Variants in CPT1B observed in about 807,000 individuals in gnomAD.
CPT1B encodes the protein carnitine palmitoyltransferase 1B.
CPT1B carries 57 observed loss-of-function variants against 92.7 expected under a neutral mutation model. The observed-to-expected ratio is 0.62, with a 90% CI of 0.50 to 0.77. The LOEUF (loss-of-function observed/expected upper bound fraction) is 0.77, where lower values mean the gene tolerates loss of function less well. CPT1B is among the 30% of genes least tolerant of loss of function. The pLI is 0.00. For synonymous variants in CPT1B, 398 were observed against 383.5 expected (o/e 1.04, Z -0.44); for missense variants, 983 against 1,017.4 (o/e 0.97, Z 0.46).
Position 50,576,035 on chromosome 22 carries a change from C to T in CPT1B, c.777G>A (p.Met259Ile), listed in dbSNP as rs763362407. The T allele has an allele frequency of 1.9e-6, 3 of 1,613,874 alleles. No individual in the cohort carries two copies. Among genetic ancestry groups the T allele is most frequent in the Admixed American group, 1.7e-5 (1 of 60,004 alleles). Residue 259 changes from methionine (M) to isoleucine (I), a missense_variant and splice_region_variant, in exon 7 of 20, where the codon ATG becomes ATA. Physicochemically the swap from Met to Ile is conservative, Grantham distance 10. Transcript: ENST00000312108. Reference protein sequence around the residue: ...PLMVNSNYYVMDLVLIKNTDV... With the variant: ...PLMVNSNYYVIDLVLIKNTDV... Reference sequence around the variant, plus strand: ...GGGACCTGGGGGCTCTAGTTCATACCATGACATAATAGTTGCTGTTCACCA... The same window carrying T: ...GGGACCTGGGGGCTCTAGTTCATACTATGACATAATAGTTGCTGTTCACCA...
intron 7 of CPT1B, 158 bp from the exon 8 acceptor site, chr22:50,574,758 C>T (rs1414437714): frequency 6.4e-6 from 4 of 623,122 alleles, no homozygotes; most frequent in Non-Finnish European, 1.2e-5. Context: ...CAGAAATGCA[C>T]AACTGATCGC....
chr22:50,574,621 C>A (rs750814302), intron 7 of CPT1B, 21 bp from the exon 8 acceptor site: 9 of 1,605,948 alleles, frequency 5.6e-6, no homozygotes, highest in South Asian at 2.2e-5. Context: ...ACAGAGCCCG[C>A]GGGGTGGGGG....
chr22:50,574,714 A>G lies in CPT1B; in HGVS notation c.778-114T>C. On this transcript the variant is annotated intron_variant, in intron 7 of 19. Transcript: ENST00000312108. ...CTGAGGTGTTCTGTCTCCCTCTTCCAGTACATCCTGCACATGCTGCCGGGG... is the reference window on the plus strand; with the variant it reads ...CTGAGGTGTTCTGTCTCCCTCTTCCGGTACATCCTGCACATGCTGCCGGGG... The G allele has an allele frequency of 3.9e-6, 3 of 772,172 alleles. No homozygotes were observed. The South Asian group carries it at 4.6e-5, about 12-fold the overall frequency. The allele number at this position is 772,172 out of a possible 1,614,324, so 47.8% of individuals were successfully genotyped here.
In CPT1B at chr22:50,577,377, G is replaced by A. The variant is rs1416218207; in HGVS notation, c.228C>T (p.Asn76=). ...TGACCAGCCCCAAGGAGATGTCCACGTTGCAGAAGGAGGAACCCACTGTTG... is the reference window on the plus strand; with the variant it reads ...TGACCAGCCCCAAGGAGATGTCCACATTGCAGAAGGAGGAACCCACTGTTG... ...IMATVGSSFC[N]VDISLGLVSC... Residue 76 remains asparagine, a synonymous_variant, in exon 3 of 20, where the codon AAC becomes AAT. Transcript: ENST00000312108. The A allele has an allele frequency of 8.7e-6, 14 of 1,613,870 alleles. No homozygotes were observed. The highest frequency in any genetic ancestry group is 1.7e-5 in the Admixed American group (1 of 60,006).
In CPT1B at chr22:50,573,379, G is replaced by A; in HGVS notation, c.1166+141C>T. 3 of 764,144 alleles carry A rather than the reference G, an allele frequency of 3.9e-6. No individual in the cohort carries two copies. The highest frequency in any genetic ancestry group is 6.2e-6 in the Non-Finnish European group (3 of 480,592). The allele number at this position is 764,144 out of a possible 1,614,324, so 47.3% of individuals were successfully genotyped here. A position where few individuals can be genotyped will look rare whatever the true frequency, so the allele number is the denominator to read the frequency against. On this transcript the variant is annotated intron_variant, in intron 10 of 19. Coordinates refer to ENST00000312108, the MANE Select transcript of CPT1B (RefSeq NM_152246.3). The surrounding 1 kb of genome is among the most constrained non-coding windows in gnomAD (Gnocchi z 5.0). ...CCGTCAGAGGTAGGTTATGCTGGCT[G>A]TCCTGCTGCCATGACCACCAATGCC... is the stretch of plus-strand genomic sequence containing the variant.
At chr22:50,570,842 C>T (rs751219685) in intron 16 of CPT1B, 49 bp downstream of exon 16, 40 of 1,592,632 alleles carry the variant, frequency 2.5e-5, no homozygotes, top group African/African-American at 2.3e-4. Flanking sequence ...CCAAGCCCTG[C>T]GTGTAGGAGG....
At chr22:50,577,630 C>T (rs923692655) in intron 2 of CPT1B, 145 bp downstream of exon 2, 9 of 1,408,444 alleles carry the variant, frequency 6.4e-6, no homozygotes, top group African/African-American at 4.2e-5. Context: ...CCGACCACAT[C>T]CTGTGCACCC....
Position 50,572,602 on chromosome 22 carries a change from C to T in CPT1B, c.1352+273G>A, listed in dbSNP as rs568754197. Among the ~76,000 whole-genome samples, 165 of 152,104 alleles carry T rather than the reference C, an allele frequency of 1.1e-3. 1 individual carries two copies. Among genetic ancestry groups the T allele is most frequent in the African/African-American group, 3.8e-3 (157 of 41,452 alleles). On this transcript the variant is annotated intron_variant, in intron 11 of 19. Coordinates refer to ENST00000312108, the MANE Select transcript of CPT1B (RefSeq NM_152246.3). Reference sequence around the variant, plus strand: ...CGGCTTTTAACCCTATTCTATAACCCAAACCCTAGCTTTTAACCCTAGCCA... The same window carrying T: ...CGGCTTTTAACCCTATTCTATAACCTAAACCCTAGCTTTTAACCCTAGCCA...
At chr22:50,574,862 GAAC>G (rs997407683) in intron 7 of CPT1B, 3 of 451,308 alleles carry the variant, frequency 6.6e-6, no homozygotes, top group African/African-American at 3.9e-5. Flanking sequence ...GAGTGCAGCG[GAAC>G]AAGCATGGCT....
At chr22:50,572,369 G>A in intron 11 of CPT1B, 61 bp from the exon 12 acceptor site, 1 of 1,059,518 alleles carries the variant, frequency 9.4e-7, no homozygotes, top group Non-Finnish European at 1.5e-6. Flanking sequence ...TGCCTGACCT[G>A]CAACCCCAAC....
chr22:50,571,267 T>C lies in CPT1B; in HGVS notation c.1766A>G (p.Tyr589Cys). Residue 589 changes from tyrosine to cysteine, a missense_variant, in exon 15 of 20, where the codon TAT becomes TGT. Physicochemically the swap from Tyr to Cys is radical, Grantham distance 194. Coordinates refer to ENST00000312108, the MANE Select transcript of CPT1B (RefSeq NM_152246.3). ...FRDRGKFCLT[Y>C]EASMTRMFRE... ...GAACATTCTGGTCATTGAGGCCTCA[T>C]AGGTCAGGCAGAACTTACCCCTGTC... 6.2e-7 allele frequency: 1 copy of C among 1,613,872 alleles called. No homozygotes were observed. The highest frequency in any genetic ancestry group is 8.5e-7 in the Non-Finnish European group (1 of 1,179,990).
rs1020370190 is a variant in CPT1B at position 50,569,633 on chromosome 22, A to C, written c.2178T>G (p.Ile726Met). 1 of 1,614,082 alleles carries C rather than the reference A, an allele frequency of 6.2e-7. No homozygotes were observed. The highest frequency in any genetic ancestry group is 1.3e-5 in the African/African-American group (1 of 75,044). The change falls in exon 18 of 20, where the codon ATT becomes ATG. Residue 726 changes from isoleucine to methionine, a missense_variant. Coordinates refer to ENST00000312108, the MANE Select transcript of CPT1B (RefSeq NM_152246.3). ...ADDGYGVSYM[I>M]AGENTIFFHI... ...GGAAGAAGATCGTGTTCTCGCCTGC[A>C]ATCATGTAGGAAACTCCATAGCCAT...
intron 13 of CPT1B, chr22:50,571,790 T>A (rs2070187544): frequency 1.5e-6 from 1 of 653,396 alleles, no homozygotes; most frequent in African/African-American, 1.8e-5. Flanking sequence ...CTCATGGCTG[T>A]CTCTAAACAC....
intron 7 of CPT1B, among the ~76,000 whole-genome samples, chr22:50,575,365 A>G (rs2070384548): frequency 6.6e-6 from 1 of 152,172 alleles, no homozygotes; most frequent in African/African-American, 2.4e-5. Flanking sequence ...TTTTGCTTTG[A>G]TAAAGGGGTT....
Position 50,576,524 on chromosome 22 carries a change from C to G in CPT1B, c.561+12G>C, listed in dbSNP as rs756828520. 3 of 1,595,938 alleles carry G rather than the reference C, an allele frequency of 1.9e-6. No homozygotes were observed. The South Asian group carries it at 3.4e-5, about 18-fold the overall frequency. On this transcript the variant is annotated intron_variant, in intron 5 of 19. Transcript: ENST00000312108. Reference sequence around the variant, plus strand: ...TCCCCTGCCCACTGGGATGCCCAAGCGAGGCCCTCACCCGCTGAATTGTGG... The same window carrying G: ...TCCCCTGCCCACTGGGATGCCCAAGGGAGGCCCTCACCCGCTGAATTGTGG...
At chr22:50,571,921 GGGA>G in intron 13 of CPT1B, 82 bp downstream of exon 13, 2 of 1,245,900 alleles carry the variant, frequency 1.6e-6, no homozygotes, top group Non-Finnish European at 2.3e-6. Context: ...AGGCCAGCAG[GGGA>G]GGAGGAGGCT....
Position 50,572,859 on chromosome 22 carries a change from G to T in CPT1B, c.1352+16C>A, listed in dbSNP as rs767087707. 2 of 1,597,418 alleles carry T rather than the reference G, an allele frequency of 1.3e-6. No homozygotes were observed. Among genetic ancestry groups the T allele is most frequent in the Non-Finnish European group, 1.7e-6 (2 of 1,166,268 alleles). ...TTAACCTTAAGCTGTAACCTGTGGG[G>T]CTGGGGCTGCCGTACCTGTTGTAGC... On this transcript the variant is annotated intron_variant, in intron 11 of 19. Coordinates refer to ENST00000312108, the MANE Select transcript of CPT1B (RefSeq NM_152246.3).
chr22:50,576,866 C>A lies in CPT1B; in HGVS notation c.450G>T (p.Arg150Ser), dbSNP rs1418266377. 6.2e-7 allele frequency: 1 copy of A among 1,613,870 alleles called. No homozygotes were observed. The highest frequency in any genetic ancestry group is 8.5e-7 in the Non-Finnish European group (1 of 1,180,022). The change falls in exon 4 of 20, where the codon AGG becomes AGT. Residue 150 changes from arginine to serine, a missense_variant. By Grantham distance (110) the Arg-to-Ser change is moderately radical. Transcript: ENST00000312108. ...EMHGKTSNLT[R>S]IWAMCIRLLS... ...ACTGGCTGCTGCTCACAGCCCAGAT[C>A]CTGGTCAAGTTGCTGGTCTTGCCAT...
chr22:50,571,100 G>T, intron 15 of CPT1B, 57 bp from the exon 16 acceptor site: 2 of 1,611,712 alleles, frequency 1.2e-6, no homozygotes, highest in Middle Eastern at 3.3e-4. Context: ...GCAGACAGGA[G>T]GCAGAGGGGG....
Sources: allele counts gnomAD v4.1 joint callset (sites outside exome capture counted in the v4.1 genomes callset), GRCh38; gene constraint gnomAD v4.1.1; non-coding constraint Gnocchi (gnomAD v3.1); transcripts MANE v1.5; gene names NCBI Gene and HGNC (gene_info 2026-07-23, HGNC 2026-07-21).